The following XPO5 variants were observed in gnomAD, a reference collection of about 807,000 sequenced individuals.
XPO5 encodes exportin-5.
Under a neutral mutation model 160.6 loss-of-function variants are expected in XPO5, and 46 were observed. That is an observed-to-expected ratio of 0.29 (90% CI 0.23 to 0.37). XPO5 has a LOEUF of 0.37. Among genes scored for constraint, XPO5 ranks in the 10% least tolerant of loss-of-function variants. XPO5 has a pLI of 1.00. For missense variants in XPO5, 1,090 were observed against 1,463.9 expected, an observed-to-expected ratio of 0.74 and a Z score of 4.17; for synonymous variants, 537 against 519.3, an observed-to-expected ratio of 1.03 and a Z score of -0.46.
intron 7 of XPO5, 84 bp from the exon 8 acceptor site, chr6:43,565,820 T>A (rs1018153664): frequency 9.1e-7 from 1 of 1,101,706 alleles, no homozygotes; most frequent in Non-Finnish European, 1.3e-6. Context: ...ATCAAATATA[T>A]TGACTTCATA....
intron 20 of XPO5, among the ~76,000 whole-genome samples, chr6:43,540,946 T>A (rs1390874742): frequency 2.6e-5 from 4 of 152,306 alleles, no homozygotes; most frequent in East Asian, 3.9e-4. Context: ...TCTTGTCATT[T>A]GCAACAATAT....
chr6:43,531,277 T>C lies in XPO5; in HGVS notation c.2540+202A>G, dbSNP rs77016616. ...AAGTTGGGCATGAAGCAGGCTGGGA[T>C]TGTGAGGCTCATATGACAATTACAA... On this transcript the variant is annotated intron_variant, in intron 22 of 31. Coordinates refer to ENST00000265351, the MANE Select transcript of XPO5 (RefSeq NM_020750.3). Among the ~76,000 whole-genome samples, 4,987 of 152,272 alleles carry C rather than the reference T, an allele frequency of 0.033. 268 individuals are homozygous for C. The highest frequency in any genetic ancestry group is 0.11 in the African/African-American group (4,613 of 41,550).
intron 26 of XPO5, 134 bp downstream of exon 26, chr6:43,527,500 T>C (rs1793673255): frequency 4.9e-6 from 4 of 813,028 alleles, no homozygotes; most frequent in Non-Finnish European, 2.0e-6. Flanking sequence ...TCTTGATCTT[T>C]TGACCTCGCA....
chr6:43,566,547 G>A (rs1285411908), intron 7 of XPO5: 3 of 265,548 alleles, frequency 1.1e-5, no homozygotes, highest in Non-Finnish European at 2.5e-5. Flanking sequence ...AGTGGCTCAC[G>A]CCTGTAATCC....
At position 43,548,247 on chromosome 6, in the gene XPO5, G is replaced by A. The variant is rs1042824441; in HGVS notation, c.2060+14C>T. 1.9e-6 allele frequency: 3 copies of A among 1,582,236 alleles called. No individual in the cohort carries two copies. Among genetic ancestry groups the A allele is most frequent in the Non-Finnish European group, 2.6e-6 (3 of 1,161,162 alleles). Reference sequence around the variant, plus strand: ...TTGAGTATAGTAAGAGTCAGGGCAAGGGATCTCCTTTACCTGTGCATGTCT... The same window carrying A: ...TTGAGTATAGTAAGAGTCAGGGCAAAGGATCTCCTTTACCTGTGCATGTCT... On this transcript the variant is annotated intron_variant, in intron 18 of 31. Transcript: ENST00000265351.
intron 12 of XPO5, among the ~76,000 whole-genome samples, chr6:43,557,193 G>A (rs1035600630): frequency 2.1e-4 from 31 of 150,426 alleles, no homozygotes; most frequent in African/African-American, 5.9e-4. Context: ...TTGGGAAGCC[G>A]AGGCGGGTGG....
In XPO5 at chr6:43,522,454, A is replaced by G; in HGVS notation, c.*1414T>C. 6.2e-6 allele frequency: 1 copy of G among 162,088 alleles called. No individual in the cohort carries two copies. 10.0% of individuals were successfully genotyped at this position (162,088 alleles called of 1,614,324 possible). ...CATGAAGTCACAGGATGTTAAAAAT[A>G]TTACAATGCAATAAATACAACTACA... is the stretch of plus-strand genomic sequence containing the variant. On this transcript the variant is annotated 3_prime_UTR_variant, in exon 32 of 32. Transcript: ENST00000265351.
At chr6:43,572,443 T>G in intron 3 of XPO5, 63 bp downstream of exon 3, 2 of 1,521,270 alleles carry the variant, frequency 1.3e-6, no homozygotes, top group Non-Finnish European at 9.1e-7. Flanking sequence ...AACTCCCTAT[T>G]GAAGAAGTCA....
intron 20 of XPO5, among the ~76,000 whole-genome samples, chr6:43,543,952 T>G (rs1389206026): frequency 6.6e-6 from 1 of 152,174 alleles, no homozygotes; most frequent in Non-Finnish European, 1.5e-5. Context: ...GCTGGGATTA[T>G]AGGCATGAGC....
chr6:43,539,897 G>A (rs1171871728), intron 20 of XPO5, among the ~76,000 whole-genome samples: 1 of 152,158 alleles, frequency 6.6e-6, no homozygotes, highest in Admixed American at 6.5e-5. Flanking sequence ...TTTCTATCTT[G>A]TTGAGTTAGA....
At chr6:43,564,920 CTCTCTT>C (rs1401933581) in intron 8 of XPO5, among the ~76,000 whole-genome samples, 1 of 148,896 alleles carries the variant, frequency 6.7e-6, no homozygotes, top group African/African-American at 2.5e-5. Flanking sequence ...GCCTCATTTT[CTCTCTT>C]TTTTTTTTTT....
chr6:43,556,833 T>C (rs1762115189), intron 12 of XPO5, among the ~76,000 whole-genome samples: 1 of 151,802 alleles, frequency 6.6e-6, no homozygotes, highest in African/African-American at 2.4e-5. Flanking sequence ...ATATTAGCAA[T>C]AAAAAGAAAT....
chr6:43,526,551 G>A (rs1174875794), intron 27 of XPO5, 134 bp downstream of exon 27: 10 of 970,024 alleles, frequency 1.0e-5, no homozygotes, highest in Admixed American at 4.1e-5. Context: ...CACAGCAAGA[G>A]GGCTGGTCCA....
At chr6:43,544,710 C>T (rs533652248) in intron 20 of XPO5, among the ~76,000 whole-genome samples, 3 of 152,118 alleles carry the variant, frequency 2.0e-5, no homozygotes, top group Admixed American at 1.3e-4. Context: ...CTCAGCTGTC[C>T]GAGACCAGCC....
intron 8 of XPO5, among the ~76,000 whole-genome samples, chr6:43,564,976 A>G (rs546449965): frequency 3.4e-5 from 5 of 148,840 alleles, no homozygotes; most frequent in African/African-American, 1.2e-4. Context: ...AGTCTGGAGT[A>G]GAGTGGTGTG....
chr6:43,575,962 G>A lies in XPO5; in HGVS notation c.-98C>T. On this transcript the variant is annotated 5_prime_UTR_variant, in exon 1 of 32. Coordinates refer to ENST00000265351, the MANE Select transcript of XPO5 (RefSeq NM_020750.3). ...AGACCACCCGTTGGTACCGGGCCGC[G>A]GCGGGCGGCGGGGGTGGGAAGCTGG... The A allele has an allele frequency of 2.5e-6, 3 of 1,218,676 alleles. No homozygotes were observed. Among genetic ancestry groups the A allele is most frequent in the Non-Finnish European group, 3.5e-6 (3 of 858,074 alleles). The allele number at this position is 1,218,676 out of a possible 1,614,324, so 75.5% of individuals were successfully genotyped here.
At chr6:43,533,849 A>G (rs952431749) in intron 21 of XPO5, 58 bp downstream of exon 21, 3 of 1,317,490 alleles carry the variant, frequency 2.3e-6, no homozygotes, top group Non-Finnish European at 2.1e-6. Context: ...CAACAAAAAA[A>G]GGGGACATCC....
rs1561888637 is a variant in XPO5, at chr6:43,572,358, T to C, written c.300+148A>G. The C allele has an allele frequency of 1.8e-5, 13 of 729,664 alleles. 1 individual carries two copies. The highest frequency in any genetic ancestry group is 2.5e-5 in the Non-Finnish European group (11 of 434,240). The allele number at this position is 729,664 out of a possible 1,614,324, so 45.2% of individuals were successfully genotyped here. The stretch of plus-strand genomic sequence containing the variant: ...TCCCAAAGCGCTAGAATTACAGGTG[T>C]GAGTCACTGTGCCTGGCCTAAATTA... On this transcript the variant is annotated intron_variant, in intron 3 of 31. Coordinates refer to ENST00000265351, the MANE Select transcript of XPO5 (RefSeq NM_020750.3).
chr6:43,525,055 G>A lies in XPO5; in HGVS notation c.3174+52C>T. On this transcript the variant is annotated intron_variant, in intron 29 of 31. Coordinates refer to ENST00000265351, the MANE Select transcript of XPO5 (RefSeq NM_020750.3). Reference sequence around the variant, plus strand: ...TTCTTCTGAATGATTTAGTCAGTCTGCATGACCCAAACCTTCCATGAGGGG... The same window carrying A: ...TTCTTCTGAATGATTTAGTCAGTCTACATGACCCAAACCTTCCATGAGGGG... 3 of 1,576,304 alleles carry A rather than the reference G, an allele frequency of 1.9e-6. No individual in the cohort carries two copies. The Admixed American group carries it at 5.6e-5, about 30-fold the overall frequency.
Sources: gnomAD v4.1 joint callset for allele counts (sites outside exome capture counted in the v4.1 genomes callset) on GRCh38, gnomAD v4.1.1 for gene constraint, MANE v1.5 for transcripts, NCBI Gene and HGNC (gene_info 2026-07-23, HGNC 2026-07-21) for gene names.